HIPK2: variants seen among roughly 807,000 people sequenced by gnomAD.
The protein encoded by HIPK2 is homeodomain interacting protein kinase 2.
HIPK2 carries 27 observed loss-of-function variants against 113.7 expected under a neutral mutation model. The ratio of observed to expected loss-of-function variants is 0.24; its 90% CI spans 0.17 to 0.33. The LOEUF (loss-of-function observed/expected upper bound fraction) is 0.33. Among genes scored for constraint, HIPK2 ranks in the 10% least tolerant of loss-of-function variants. The probability of loss-of-function intolerance (pLI) is 1.00; values close to 1 mark genes in which losing one functional copy is unlikely to be tolerated. For synonymous variants in HIPK2, 631 were observed against 642.2 expected (o/e 0.98, Z 0.26); for missense variants, 1,257 against 1,588.0 (o/e 0.79, Z 3.54).
intron 2 of HIPK2, among the ~76,000 whole-genome samples, chr7:139,653,596 G>T (rs2116488673): frequency 6.6e-6 from 1 of 152,054 alleles, no homozygotes; most frequent in South Asian, 2.1e-4. Flanking sequence ...AAGAAGCACA[G>T]CCTGGGATTA....
rs74618429 is a variant in HIPK2, at chr7:139,580,786, A to T, written c.2965+3031T>A. On this transcript the variant is annotated intron_variant, in intron 13 of 14. Transcript: ENST00000406875. Reference sequence around the variant, plus strand: ...CCATGTAGGGCTGTGATGAGGATTAAATGAGTTAACAAGTGTAGAATGCTT... The same window carrying T: ...CCATGTAGGGCTGTGATGAGGATTATATGAGTTAACAAGTGTAGAATGCTT... Among the ~76,000 whole-genome samples the T allele has an allele frequency of 1.9e-3, 286 of 152,368 alleles. 5 individuals are homozygous for T. In the East Asian group the frequency reaches 0.04, roughly 21 times the overall value.
intron 2 of HIPK2, among the ~76,000 whole-genome samples, chr7:139,699,072 G>A (rs1303827796): frequency 6.6e-6 from 1 of 151,986 alleles, no homozygotes; most frequent in Non-Finnish European, 1.5e-5. Context: ...GCCACGATCC[G>A]AACAACCTGC....
At chr7:139,634,018 G>A (rs1800716062) in intron 2 of HIPK2, among the ~76,000 whole-genome samples, 1 of 151,672 alleles carries the variant, frequency 6.6e-6, no homozygotes, top group Middle Eastern at 3.2e-3. Context: ...GCTGAAGTGG[G>A]AGGACTGCTT....
chr7:139,706,991 A>G (rs1794918595), intron 2 of HIPK2, among the ~76,000 whole-genome samples: 1 of 152,160 alleles, frequency 6.6e-6, no homozygotes, highest in African/African-American at 2.4e-5. Flanking sequence ...AGCTCTGCCC[A>G]AGCAAAGCCA....
chr7:139,667,204 C>A (rs77279640), intron 2 of HIPK2, among the ~76,000 whole-genome samples: 32,344 of 152,000 alleles, frequency 0.21, 3,785 homozygotes, highest in East Asian at 0.41. Context: ...CCTATAGTTA[C>A]CCTTGCATAG....
intron 10 of HIPK2, among the ~76,000 whole-genome samples, chr7:139,602,403 G>A (rs1216230047): frequency 2.6e-5 from 4 of 152,176 alleles, no homozygotes; most frequent in South Asian, 4.1e-4. Context: ...ATGAAATGGA[G>A]AGAGACCAGG....
intron 1 of HIPK2, among the ~76,000 whole-genome samples, chr7:139,739,561 T>C (rs1194338318): frequency 6.7e-6 from 1 of 149,990 alleles, no homozygotes; most frequent in Non-Finnish European, 1.5e-5. Flanking sequence ...CACTCCAGCC[T>C]GGGTGACAGA....
At chr7:139,688,261 C>G (rs759699599) in intron 2 of HIPK2, among the ~76,000 whole-genome samples, 1 of 152,218 alleles carries the variant, frequency 6.6e-6, no homozygotes. Flanking sequence ...TCATCGAGAT[C>G]AAGAGGCACT....
At chr7:139,655,535 T>C (rs374802643) in intron 2 of HIPK2, among the ~76,000 whole-genome samples, 46 of 152,172 alleles carry the variant, frequency 3.0e-4, no homozygotes, top group African/African-American at 1.0e-3. Flanking sequence ...TCTTCTTGGC[T>C]CTTGCTTCTG....
At chr7:139,724,975 A>G (rs952913424) in intron 1 of HIPK2, among the ~76,000 whole-genome samples, 1 of 152,342 alleles carries the variant, frequency 6.6e-6, no homozygotes, top group South Asian at 2.1e-4. Flanking sequence ...AATAATGACA[A>G]TAACAATACT....
chr7:139,765,570 C>T (rs1796539183), intron 1 of HIPK2, among the ~76,000 whole-genome samples: 1 of 152,112 alleles, frequency 6.6e-6, no homozygotes, highest in Non-Finnish European at 1.5e-5. Context: ...TAGGAGAGTC[C>T]CCAGAACACT....
At chr7:139,688,553 G>A (rs945141338) in intron 2 of HIPK2, among the ~76,000 whole-genome samples, 1 of 152,196 alleles carries the variant, frequency 6.6e-6, no homozygotes, top group Non-Finnish European at 1.5e-5. Flanking sequence ...AAGGGCTATG[G>A]TTGGGGGTAT....
In HIPK2 at chr7:139,627,385, G is replaced by A. The variant is rs377765275; in HGVS notation, c.1435-600C>T. On this transcript the variant is annotated intron_variant, in intron 5 of 14. Transcript: ENST00000406875. ...GAAGTGGAAGGGCCTGAGTGTGCCC[G>A]TCCTCCACCTACAGCATATCATCCT... 2.0e-4 allele frequency among the ~76,000 whole-genome samples: 30 copies of A among 152,090 alleles called. 1 individual carries two copies. The highest frequency in any genetic ancestry group is 2.9e-4 in the Non-Finnish European group (20 of 68,008).
intron 12 of HIPK2, 128 bp downstream of exon 12, chr7:139,596,589 T>C (rs1178606095): frequency 2.3e-6 from 3 of 1,305,584 alleles, no homozygotes; most frequent in East Asian, 4.7e-5. Flanking sequence ...CCACAGTAGA[T>C]GGCAAAACCA....
chr7:139,774,791 T>C (rs1001239278), intron 1 of HIPK2, among the ~76,000 whole-genome samples: 4 of 152,214 alleles, frequency 2.6e-5, no homozygotes, highest in African/African-American at 9.7e-5. Flanking sequence ...CAAAGCAAGT[T>C]GATGGAGGAA....
At chr7:139,746,977 T>G (rs920205330) in intron 1 of HIPK2, among the ~76,000 whole-genome samples, 1 of 152,130 alleles carries the variant, frequency 6.6e-6, no homozygotes, top group Non-Finnish European at 1.5e-5. Context: ...TAAGTAGAGC[T>G]AGAAAAAGAG....
Position 139,563,643 on chromosome 7 carries a change from A to C in HIPK2, c.*9284T>G, listed in dbSNP as rs563366183. 1.8e-5 allele frequency: 7 copies of C among 395,922 alleles called. No individual in the cohort carries two copies. Among genetic ancestry groups the C allele is most frequent in the South Asian group, 2.9e-4 (2 of 7,004 alleles). The allele number at this position is 395,922 out of a possible 1,614,324, so 24.5% of individuals were successfully genotyped here. On this transcript the variant is annotated 3_prime_UTR_variant, in exon 15 of 15. Transcript: ENST00000406875. The stretch of plus-strand genomic sequence containing the variant: ...AATTCATGTAAAGGAAAAAACAGCA[A>C]CACCACCACACAAACAGGAAAGTGG...
chr7:139,630,791 T>C lies in HIPK2; in HGVS notation c.1347+374A>G, dbSNP rs972446969. ...TTCCTCTTGGCACCCACACCCATTC[T>C]TGACCAGGAACAGGGCCCTTACTAC... On this transcript the variant is annotated intron_variant, in intron 4 of 14. Transcript: ENST00000406875. The surrounding 1 kb of genome is among the most constrained non-coding windows in gnomAD (Gnocchi z 4.0). Among the ~76,000 whole-genome samples, 3 of 152,348 alleles carry C rather than the reference T, an allele frequency of 2.0e-5. No individual in the cohort carries two copies. The highest frequency in any genetic ancestry group is 2.9e-5 in the Non-Finnish European group (2 of 68,034).
At chr7:139,653,148 A>G (rs2116484538) in intron 2 of HIPK2, among the ~76,000 whole-genome samples, 1 of 151,446 alleles carries the variant, frequency 6.6e-6, no homozygotes, top group African/African-American at 2.4e-5. Context: ...TCAAAAAAAA[A>G]AAAAAAAAAA....
Sources: gnomAD v4.1 joint callset for allele counts (sites outside exome capture counted in the v4.1 genomes callset) on GRCh38, gnomAD v4.1.1 for gene constraint, Gnocchi (gnomAD v3.1) non-coding constraint, MANE v1.5 for transcripts, NCBI Gene and HGNC (gene_info 2026-07-23, HGNC 2026-07-21) for gene names.